Variants in SSH1 observed in about 807,000 individuals in gnomAD.
SSH1 encodes slingshot protein phosphatase 1.
In SSH1, 43 loss-of-function variants were observed where a neutral mutation model predicts 79.7. That is an observed-to-expected ratio of 0.54 (90% CI 0.42 to 0.70). The LOEUF is 0.70. Among genes scored for constraint, SSH1 ranks in the 30% least tolerant of loss-of-function variants. The pLI, the probability that SSH1 is intolerant of heterozygous loss-of-function variation, is 0.00. For missense variants in SSH1, 1,206 were observed against 1,358.8 expected (o/e 0.89, Z 1.77); for synonymous variants, 599 against 538.3 (o/e 1.11, Z -1.56).
chr12:108,834,782 G>A (rs1019857929), intron 2 of SSH1, among the ~76,000 whole-genome samples: 2 of 152,188 alleles, frequency 1.3e-5, no homozygotes, highest in African/African-American at 4.8e-5. Context: ...ACAATGGGAT[G>A]TGAGGGCCAG....
chr12:108,787,009 C>T lies in SSH1; in HGVS notation c.*979G>A, dbSNP rs1187161078. On this transcript the variant is annotated 3_prime_UTR_variant, in exon 15 of 15. Coordinates refer to ENST00000326495, the MANE Select transcript of SSH1 (RefSeq NM_018984.4). ...GACATCCGGGAAGCATCCCGACAGT[C>T]CCGTTCCTTTCGGGGAAGCCGCTGA... 1 of 152,250 alleles carries T rather than the reference C, an allele frequency of 6.6e-6. No homozygotes were observed. The highest frequency in any genetic ancestry group is 1.5e-5 in the Non-Finnish European group (1 of 68,068). The allele number at this position is 152,250 out of a possible 1,614,324, so 9.4% of individuals were successfully genotyped here.
At chr12:108,820,044 T>C (rs1325922066) in intron 3 of SSH1, among the ~76,000 whole-genome samples, 1 of 151,022 alleles carries the variant, frequency 6.6e-6, no homozygotes, top group East Asian at 2.0e-4. Flanking sequence ...GTTCTTTCTT[T>C]TTCTTTTTTT....
At chr12:108,839,016 T>C (rs1213133902) in intron 2 of SSH1, among the ~76,000 whole-genome samples, 1 of 152,222 alleles carries the variant, frequency 6.6e-6, no homozygotes, top group African/African-American at 2.4e-5. Context: ...CTATGAATGT[T>C]GTAAGGTGTT....
At chr12:108,798,908 G>T in intron 13 of SSH1, 92 bp downstream of exon 13, 2 of 1,454,760 alleles carry the variant, frequency 1.4e-6, no homozygotes, top group Non-Finnish European at 1.9e-6. Context: ...CCGAATGGGA[G>T]CATGCTCTGC....
At chr12:108,838,546 G>A (rs981740442) in intron 2 of SSH1, among the ~76,000 whole-genome samples, 5 of 152,208 alleles carry the variant, frequency 3.3e-5, no homozygotes, top group East Asian at 1.9e-4. Context: ...CCAGGATACC[G>A]CAGCCCTGCA....
intron 2 of SSH1, among the ~76,000 whole-genome samples, chr12:108,826,549 G>C (rs1394113718): frequency 8.3e-6 from 1 of 119,870 alleles, no homozygotes; most frequent in African/African-American, 3.1e-5. Flanking sequence ...GGTGGGGGGT[G>C]GGGTGGGAGG....
At chr12:108,791,093 C>T (rs748547090) in intron 14 of SSH1, among the ~76,000 whole-genome samples, 35 of 152,164 alleles carry the variant, frequency 2.3e-4, no homozygotes, top group Non-Finnish European at 4.4e-4. Context: ...TACTTGACAA[C>T]GTTGGGAAAT....
intron 4 of SSH1, 107 bp from the exon 5 acceptor site, chr12:108,817,266 G>T: frequency 6.6e-7 from 1 of 1,526,042 alleles, no homozygotes; most frequent in Non-Finnish European, 8.9e-7. Context: ...TTCCCTCTGG[G>T]AGTTAAAAAT....
In SSH1 at chr12:108,815,938, C is replaced by T. The variant is rs1214223264; in HGVS notation, c.401+1100G>A. On this transcript the variant is annotated intron_variant, in intron 5 of 14. Transcript: ENST00000326495. ...CGCTAGCATGTGACTTACAGAAGCT[C>T]TCATGGGAACAAGACAAGACCATAC... Among the ~76,000 whole-genome samples, 3 of 152,212 alleles carry T rather than the reference C, an allele frequency of 2.0e-5. No individual in the cohort carries two copies. The East Asian group carries it at 5.8e-4, about 29-fold the overall frequency.
chr12:108,802,455 G>T, intron 10 of SSH1, 87 bp from the exon 11 acceptor site: 1 of 1,255,854 alleles, frequency 8.0e-7, no homozygotes, highest in Non-Finnish European at 1.2e-6. Context: ...CCTAGCTCTG[G>T]CGGTGAGGTC....
intron 2 of SSH1, among the ~76,000 whole-genome samples, chr12:108,831,787 A>G (rs1332468131): frequency 6.6e-6 from 1 of 152,196 alleles, no homozygotes; most frequent in Non-Finnish European, 1.5e-5. Context: ...ATAAACCTCA[A>G]TTTACAAATT....
chr12:108,826,861 A>C (rs533479348), intron 2 of SSH1, among the ~76,000 whole-genome samples: 1 of 152,298 alleles, frequency 6.6e-6, no homozygotes, highest in South Asian at 2.1e-4. Context: ...CAAGCCATCC[A>C]TCCCAGCCAC....
intron 10 of SSH1, among the ~76,000 whole-genome samples, chr12:108,803,107 CCTTT>C (rs767553743): frequency 1.2e-4 from 19 of 152,098 alleles, no homozygotes; most frequent in East Asian, 3.9e-4. Context: ...ACAGTATGAT[CCTTT>C]CTTTCTTTGT....
chr12:108,838,878 C>A (rs895237983), intron 2 of SSH1, among the ~76,000 whole-genome samples: 1 of 152,140 alleles, frequency 6.6e-6, no homozygotes, highest in Non-Finnish European at 1.5e-5. Flanking sequence ...GATCTGTGGC[C>A]AAATTCTGGT....
intron 2 of SSH1, among the ~76,000 whole-genome samples, chr12:108,839,833 T>C (rs556942782): frequency 6.6e-6 from 1 of 152,232 alleles, no homozygotes; most frequent in South Asian, 2.1e-4. Context: ...CATTGGTCTT[T>C]GGAGGGGAAC....
intron 2 of SSH1, among the ~76,000 whole-genome samples, chr12:108,829,304 G>A (rs1291997358): frequency 6.6e-6 from 1 of 152,180 alleles, no homozygotes; most frequent in Non-Finnish European, 1.5e-5. Context: ...TCCAGCCTGG[G>A]CGACAAAGTG....
Position 108,849,292 on chromosome 12 carries a change from C to T in SSH1, c.110+3346G>A, listed in dbSNP as rs368832121. Among the ~76,000 whole-genome samples the T allele has an allele frequency of 4.6e-5, 7 of 152,200 alleles. No homozygotes were observed. In the East Asian group the frequency reaches 1.2e-3, roughly 25 times the overall value. On this transcript the variant is annotated intron_variant, in intron 2 of 14. Coordinates refer to ENST00000326495, the MANE Select transcript of SSH1 (RefSeq NM_018984.4). ...GCCAGGTGCAGTGACTGTCATCACG[C>T]CTGTAATCCCAGCACTTTGGGAGGC...
chr12:108,842,939 G>A (rs913727229), intron 2 of SSH1, among the ~76,000 whole-genome samples: 2 of 152,126 alleles, frequency 1.3e-5, no homozygotes, highest in Non-Finnish European at 2.9e-5. Context: ...TGCACACAAG[G>A]CAATCACAGA....
Position 108,823,497 on chromosome 12 carries a change from A to G in SSH1, c.111-136T>C, listed in dbSNP as rs1453685505. On this transcript the variant is annotated intron_variant, in intron 2 of 14. Coordinates refer to ENST00000326495, the MANE Select transcript of SSH1 (RefSeq NM_018984.4). The stretch of plus-strand genomic sequence containing the variant: ...CAAATAGGATGAAACTGCTTTTATA[A>G]TAATTCCACGTAGTACTTTTCTCAA... 23 of 744,030 alleles carry G rather than the reference A, an allele frequency of 3.1e-5. No individual in the cohort carries two copies. The Admixed American group carries it at 3.9e-4, about 13-fold the overall frequency. The allele number at this position is 744,030 out of a possible 1,614,324, so 46.1% of individuals were successfully genotyped here.
Sources: allele counts gnomAD v4.1 joint callset (sites outside exome capture counted in the v4.1 genomes callset), GRCh38; gene constraint gnomAD v4.1.1; transcripts MANE v1.5; gene names NCBI Gene and HGNC (gene_info 2026-07-23, HGNC 2026-07-21).